The following RGS6 variants were observed in gnomAD, a reference collection of about 807,000 sequenced individuals.
The protein encoded by RGS6 is regulator of G protein signaling 6.
A neutral mutation model predicts 78.5 loss-of-function variants in RGS6; 30 were observed. That is an observed-to-expected ratio of 0.38 (90% CI 0.29 to 0.52). The LOEUF (loss-of-function observed/expected upper bound fraction) is 0.52, where lower values mean the gene tolerates loss of function less well. Among genes scored for constraint, RGS6 ranks in the 20% least tolerant of loss-of-function variants. The pLI is 0.85. For synonymous variants in RGS6, 206 were observed against 206.0 expected, an observed-to-expected ratio of 1.00 and a Z score of 0.00; for missense variants, 495 against 609.7, an observed-to-expected ratio of 0.81 and a Z score of 1.98.
intron 2 of RGS6, among the ~76,000 whole-genome samples, chr14:72,293,775 C>T (rs1344075847): frequency 6.6e-6 from 1 of 152,122 alleles, no homozygotes; most frequent in Admixed American, 6.5e-5. Flanking sequence ...AAGCCAAGGC[C>T]AGTTAATAAA....
intron 3 of RGS6, among the ~76,000 whole-genome samples, chr14:72,414,778 C>A (rs886490025): frequency 1.3e-5 from 2 of 152,172 alleles, no homozygotes; most frequent in Non-Finnish European, 2.9e-5. Context: ...TCAGTCAGGA[C>A]CCTCAGCTGC....
At chr14:72,349,230 G>C (rs1411536323) in intron 2 of RGS6, among the ~76,000 whole-genome samples, 5 of 152,194 alleles carry the variant, frequency 3.3e-5, no homozygotes, top group African/African-American at 1.2e-4. Context: ...CTATAGGCCA[G>C]CTTAGGTTTG....
chr14:72,412,444 G>T (rs1221511290), intron 3 of RGS6, among the ~76,000 whole-genome samples: 1 of 151,582 alleles, frequency 6.6e-6, no homozygotes, highest in Non-Finnish European at 1.5e-5. Context: ...GCGTCTATTT[G>T]ATTCTTCTCT....
chr14:71,918,073 C>T, the RGS6 span, among the ~76,000 whole-genome samples: 12 of 151,198 alleles, frequency 7.9e-5, no homozygotes, highest in Middle Eastern at 3.4e-3. Context: ...CCCAGCTACT[C>T]GGGAGGCTGA....
At chr14:72,451,892 C>T (rs1014248693) in intron 3 of RGS6, among the ~76,000 whole-genome samples, 1 of 152,078 alleles carries the variant, frequency 6.6e-6, no homozygotes, top group Non-Finnish European at 1.5e-5. Context: ...AGCTGGGACT[C>T]AGGCATGTGG....
At chr14:72,044,989 C>A (rs374643105) in intron 2 of RGS6, among the ~76,000 whole-genome samples, 6 of 152,246 alleles carry the variant, frequency 3.9e-5, no homozygotes, top group African/African-American at 1.4e-4. Context: ...CAGCCTTGGA[C>A]TGAGAGTTAC....
intron 3 of RGS6, among the ~76,000 whole-genome samples, chr14:72,392,425 G>A (rs1053703807): frequency 5.9e-5 from 9 of 152,008 alleles, no homozygotes; most frequent in South Asian, 2.1e-4. Context: ...GTCAGTTATC[G>A]CTGCCTCTCT....
At chr14:72,456,926 A>T (rs4396472) in intron 4 of RGS6, among the ~76,000 whole-genome samples, 7,239 of 151,010 alleles carry the variant, frequency 0.048, 334 homozygotes, top group Admixed American at 0.1. Context: ...AAAAAAAATA[A>T]AAAAAAAATT....
At chr14:72,584,263 C>T in the RGS6 span, among the ~76,000 whole-genome samples, 20 of 152,302 alleles carry the variant, frequency 1.3e-4, no homozygotes, top group African/African-American at 4.6e-4. Context: ...CACCCATGTG[C>T]CAGGCATCAC....
intron 17 of RGS6, among the ~76,000 whole-genome samples, chr14:72,559,650 A>AT (rs540900667): frequency 1.4e-3 from 220 of 152,330 alleles, no homozygotes; most frequent in African/African-American, 5.1e-3. Flanking sequence ...GAGGTTGGGA[A>AT]CAATCCCAAG....
At chr14:71,904,069 G>A in the RGS6 span, among the ~76,000 whole-genome samples, 8 of 152,162 alleles carry the variant, frequency 5.3e-5, no homozygotes, top group Admixed American at 1.3e-4. Flanking sequence ...AAACATTTTT[G>A]TATAATTAAA....
intron 2 of RGS6, among the ~76,000 whole-genome samples, chr14:72,079,748 C>T (rs981855600): frequency 6.6e-6 from 1 of 152,110 alleles, no homozygotes; most frequent in African/African-American, 2.4e-5. Flanking sequence ...CCTATGAGTT[C>T]AACTTTTTTT....
chr14:72,468,330 C>T (rs141906603), intron 7 of RGS6, among the ~76,000 whole-genome samples: 13 of 150,768 alleles, frequency 8.6e-5, no homozygotes, highest in Admixed American at 2.0e-4. Context: ...GAGCCAAGAT[C>T]GTGCCACTGC....
At chr14:72,379,469 G>T (rs776350889) in intron 3 of RGS6, among the ~76,000 whole-genome samples, 3 of 152,078 alleles carry the variant, frequency 2.0e-5, no homozygotes, top group Non-Finnish European at 4.4e-5. Context: ...ACTGATAAGT[G>T]AATTCAGTAA....
chr14:72,180,382 G>T (rs1410860870), intron 2 of RGS6, among the ~76,000 whole-genome samples: 3 of 152,226 alleles, frequency 2.0e-5, no homozygotes, highest in African/African-American at 7.2e-5. Context: ...TTGTGTAATT[G>T]AATAGAATGG....
At chr14:71,984,106 G>T (rs2094578803) in intron 2 of RGS6, among the ~76,000 whole-genome samples, 1 of 151,976 alleles carries the variant, frequency 6.6e-6, no homozygotes, top group South Asian at 2.1e-4. Context: ...CTGCAGTGGG[G>T]GCTATACATA....
At chr14:72,411,263 T>C (rs1031403375) in intron 3 of RGS6, among the ~76,000 whole-genome samples, 1 of 152,228 alleles carries the variant, frequency 6.6e-6, no homozygotes, top group Non-Finnish European at 1.5e-5. Flanking sequence ...TGGTTTGTAG[T>C]TCTCCTTGAA....
chr14:71,991,577 C>T (rs1048360978), intron 2 of RGS6, among the ~76,000 whole-genome samples: 7 of 151,816 alleles, frequency 4.6e-5, no homozygotes, highest in Non-Finnish European at 1.0e-4. Context: ...AGAAAAATTC[C>T]GAAATTATAG....
chr14:72,025,986 A>T (rs927157720), intron 2 of RGS6, among the ~76,000 whole-genome samples: 6 of 152,226 alleles, frequency 3.9e-5, no homozygotes, highest in Non-Finnish European at 8.8e-5. Flanking sequence ...AATGAGCAGG[A>T]TGAATAAAAA....
Sources: gnomAD v4.1 joint callset for allele counts (sites outside exome capture counted in the v4.1 genomes callset) on GRCh38, gnomAD v4.1.1 for gene constraint, MANE v1.5 for transcripts, NCBI Gene and HGNC (gene_info 2026-07-23, HGNC 2026-07-21) for gene names.